Variants in ADAM23 observed in about 807,000 individuals in gnomAD.
ADAM23 encodes disintegrin and metalloproteinase domain-containing protein 23.
Under a neutral mutation model 120.1 loss-of-function variants are expected in ADAM23, and 33 were observed. The observed-to-expected ratio is 0.27, with a 90% CI of 0.21 to 0.37. The LOEUF (loss-of-function observed/expected upper bound fraction) is 0.37. ADAM23 is among the 10% of genes least tolerant of loss of function. ADAM23 has a pLI of 1.00. For missense variants in ADAM23, 862 were observed against 1,058.2 expected, an observed-to-expected ratio of 0.81 and a Z score of 2.57; for synonymous variants, 367 against 375.2, an observed-to-expected ratio of 0.98 and a Z score of 0.25.
intron 24 of ADAM23, among the ~76,000 whole-genome samples, chr2:206,606,284 T>C (rs1247637121): frequency 6.6e-6 from 1 of 152,170 alleles, no homozygotes; most frequent in Non-Finnish European, 1.5e-5. Flanking sequence ...AATTTACATA[T>C]ATAACTAGCA....
chr2:206,530,805 C>T lies in ADAM23; in HGVS notation c.510-80C>T, dbSNP rs368999323. 1.3e-5 allele frequency: 16 copies of T among 1,238,762 alleles called. No individual in the cohort carries two copies. In the East Asian group the frequency reaches 1.5e-4, roughly 12 times the overall value. The allele number at this position is 1,238,762 out of a possible 1,614,324, so 76.7% of individuals were successfully genotyped here. ...CTATTTCTGGTTTGCATGCCCCTCA[C>T]GTTCATTTATTGAGCCGATTGTTTT... On this transcript the variant is annotated intron_variant, in intron 3 of 25. Transcript: ENST00000264377.
In ADAM23 at chr2:206,565,139, G is replaced by A. The variant is rs1436730235; in HGVS notation, c.1394+71G>A. ...ATTGCTGTGTAGAGTTAGAAACAAG[G>A]TCTCTCGGGTATTGGTCTTTTAGGC... On this transcript the variant is annotated intron_variant, in intron 14 of 25. Coordinates refer to ENST00000264377, the MANE Select transcript of ADAM23 (RefSeq NM_003812.4). The A allele has an allele frequency of 3.6e-6, 5 of 1,404,344 alleles. No individual in the cohort carries two copies. The Admixed American group carries it at 6.7e-5, about 19-fold the overall frequency. 87.0% of individuals were successfully genotyped at this position (1,404,344 alleles called of 1,614,324 possible). A position where few individuals can be genotyped will look rare whatever the true frequency, so the allele number is the denominator to read the frequency against.
Position 206,543,312 on chromosome 2 carries a change from A to C in ADAM23, c.716A>C (p.Asp239Ala). Residue 239 changes from aspartate to alanine, a missense_variant, in exon 6 of 26, where the codon GAT becomes GCT. Around this residue, in one of 4 missense-constraint regions of ADAM23, gnomAD observed 617 missense variants for 813.5 expected, o/e 0.76. Coordinates refer to ENST00000264377, the MANE Select transcript of ADAM23 (RefSeq NM_003812.4). ...YMIEPLELVH[D>A]EKSTGRPHII... ...ATAGAGCCACTAGAGCTGGTTCATG[A>C]TGAGGTGAGTCTATGCCATCAGTTG... 1 of 1,613,874 alleles carries C rather than the reference A, an allele frequency of 6.2e-7. No homozygotes were observed. Among genetic ancestry groups the C allele is most frequent in the Admixed American group, 1.7e-5 (1 of 60,028 alleles).
intron 25 of ADAM23, among the ~76,000 whole-genome samples, chr2:206,611,171 A>C (rs1698818962): frequency 6.6e-6 from 1 of 152,222 alleles, no homozygotes; most frequent in African/African-American, 2.4e-5. Flanking sequence ...TTATTGAGTA[A>C]GTCTACAGTT....
At chr2:206,520,493 C>G (rs553451505) in intron 3 of ADAM23, among the ~76,000 whole-genome samples, 1 of 152,196 alleles carries the variant, frequency 6.6e-6, no homozygotes, top group East Asian at 1.9e-4. Flanking sequence ...AGTTAAAAAC[C>G]TTTATCTTTG....
chr2:206,616,566 G>A (rs1261540734), intron 25 of ADAM23, among the ~76,000 whole-genome samples: 1 of 152,122 alleles, frequency 6.6e-6, no homozygotes, highest in Non-Finnish European at 1.5e-5. Flanking sequence ...CTTTGGTATT[G>A]TTTTTATTTT....
At chr2:206,515,533 A>C (rs573551440) in intron 3 of ADAM23, among the ~76,000 whole-genome samples, 90 of 152,054 alleles carry the variant, frequency 5.9e-4, no homozygotes, top group African/African-American at 2.1e-3. Flanking sequence ...TTACCCTTTA[A>C]TCTTCTGCTC....
intron 3 of ADAM23, among the ~76,000 whole-genome samples, chr2:206,521,361 T>A (rs182027553): frequency 2.0e-5 from 3 of 152,270 alleles, no homozygotes; most frequent in Non-Finnish European, 2.9e-5. Context: ...TGTGAATGTC[T>A]GTGGTTCCTG....
At chr2:206,482,255 T>C (rs1225312497) in intron 3 of ADAM23, among the ~76,000 whole-genome samples, 4 of 152,208 alleles carry the variant, frequency 2.6e-5, no homozygotes, top group Admixed American at 2.6e-4. Flanking sequence ...TAAGTCAGAA[T>C]GAATCAGCAG....
intron 3 of ADAM23, among the ~76,000 whole-genome samples, chr2:206,512,947 A>C (rs1696656358): frequency 6.6e-6 from 1 of 152,072 alleles, no homozygotes; most frequent in South Asian, 2.1e-4. Context: ...TGATGTTACT[A>C]TTATGGTTGT....
At chr2:206,475,813 T>C (rs1695762785) in intron 2 of ADAM23, among the ~76,000 whole-genome samples, 3 of 152,222 alleles carry the variant, frequency 2.0e-5, no homozygotes, top group South Asian at 4.1e-4. Context: ...ATGACCTTTC[T>C]CCACCATATT....
chr2:206,612,077 C>T (rs555061784), intron 25 of ADAM23, among the ~76,000 whole-genome samples: 14 of 152,220 alleles, frequency 9.2e-5, no homozygotes, highest in African/African-American at 3.1e-4. Context: ...GCAAAGAAAA[C>T]GATGAAGACT....
At chr2:206,474,904 T>A (rs571892567) in intron 2 of ADAM23, among the ~76,000 whole-genome samples, 1 of 152,294 alleles carries the variant, frequency 6.6e-6, no homozygotes, top group East Asian at 1.9e-4. Context: ...TATTTAATCC[T>A]CGCACACATC....
chr2:206,538,174 C>T (rs1457352035), intron 4 of ADAM23, among the ~76,000 whole-genome samples: 1 of 152,108 alleles, frequency 6.6e-6, no homozygotes, highest in East Asian at 1.9e-4. Flanking sequence ...ACTGCAAGAA[C>T]ATTTTCCCCA....
At chr2:206,537,338 C>T (rs929698674) in intron 4 of ADAM23, among the ~76,000 whole-genome samples, 3 of 152,008 alleles carry the variant, frequency 2.0e-5, no homozygotes, top group Non-Finnish European at 4.4e-5. Flanking sequence ...TCTCTGTGCG[C>T]GTGGCTCCTG....
intron 19 of ADAM23, 111 bp from the exon 20 acceptor site, chr2:206,587,980 G>A: frequency 9.6e-7 from 1 of 1,039,918 alleles, no homozygotes; most frequent in South Asian, 1.4e-5. Context: ...AAATATTAGG[G>A]TATGAAATGA....
chr2:206,548,481 C>A, intron 8 of ADAM23, 127 bp downstream of exon 8: 10 of 848,180 alleles, frequency 1.2e-5, no homozygotes, highest in South Asian at 5.9e-5. Flanking sequence ...AAAATGAAAA[C>A]AATAAACAAA....
At chr2:206,549,373 T>C (rs1574527449) in intron 8 of ADAM23, among the ~76,000 whole-genome samples, 1 of 151,782 alleles carries the variant, frequency 6.6e-6, no homozygotes, top group African/African-American at 2.4e-5. Context: ...ACAGTCCACC[T>C]CATCAAATAT....
intron 3 of ADAM23, among the ~76,000 whole-genome samples, chr2:206,526,642 G>A (rs935879712): frequency 6.6e-6 from 1 of 152,156 alleles, no homozygotes; most frequent in Non-Finnish European, 1.5e-5. Flanking sequence ...TGTCTCATTA[G>A]CCATGATCCA....
Sources: allele counts gnomAD v4.1 joint callset (sites outside exome capture counted in the v4.1 genomes callset), GRCh38; gene constraint gnomAD v4.1.1; regional missense constraint gnomAD v4.1.1; transcripts MANE v1.5; gene names NCBI Gene and HGNC (gene_info 2026-07-23, HGNC 2026-07-21).